KDM6A: variants seen among roughly 807,000 people sequenced by gnomAD.
The protein encoded by KDM6A is lysine-specific demethylase 6A.
KDM6A carries 11 observed loss-of-function variants against 117.6 expected under a neutral mutation model. The ratio of observed to expected loss-of-function variants is 0.09; its 90% confidence interval spans 0.06 to 0.15. The LOEUF is 0.15. Among genes scored for constraint, KDM6A ranks in the 10% least tolerant of loss-of-function variants. KDM6A has a pLI of 1.00. For synonymous variants in KDM6A, 384 were observed against 396.1 expected (o/e 0.97, Z 0.36); for missense variants, 799 against 1,077.3 (o/e 0.74, Z 3.62).
At chrX:44,998,104 A>G (rs1327982663) in intron 4 of KDM6A, among the ~76,000 whole-genome samples, 1 of 111,661 alleles carries the variant, frequency 9.0e-6, no homozygotes, top group African/African-American at 3.3e-5. Flanking sequence ...TCGAAAGCTC[A>G]CTGGCAGTGG....
chrX:45,061,465 G>C (rs1462072429), intron 15 of KDM6A, 46 bp downstream of exon 15: 2 of 556,418 alleles, frequency 3.6e-6, no homozygotes, highest in Non-Finnish European at 5.8e-6. Context: ...AAGGAGTAGA[G>C]GTAGCAAACA....
chrX:44,895,243 C>G (rs1197152198), intron 2 of KDM6A, among the ~76,000 whole-genome samples: 2 of 108,028 alleles, frequency 1.9e-5, no homozygotes, highest in Non-Finnish European at 3.8e-5. Context: ...GTAGCTGGGA[C>G]TACAGGTGCC....
chrX:45,057,651 C>T (rs1232556381), intron 10 of KDM6A, among the ~76,000 whole-genome samples: 1 of 110,860 alleles, frequency 9.0e-6, no homozygotes, highest in East Asian at 2.8e-4. Flanking sequence ...TAATCTTTGG[C>T]TGGATTTAAA....
At chrX:44,953,912 C>T (rs1056114697) in intron 2 of KDM6A, among the ~76,000 whole-genome samples, 3 of 110,250 alleles carry the variant, frequency 2.7e-5, no homozygotes, top group Non-Finnish European at 5.7e-5. Context: ...CAAAAATTAG[C>T]CAGGCGTGGT....
intron 2 of KDM6A, among the ~76,000 whole-genome samples, chrX:44,954,553 G>A (rs1442835650): frequency 5.4e-5 from 6 of 111,706 alleles, no homozygotes; most frequent in Non-Finnish European, 1.1e-4. Flanking sequence ...TAGTTACATA[G>A]TTTGCCACCT....
chrX:45,078,753 C>T (rs2045253745), intron 20 of KDM6A, among the ~76,000 whole-genome samples: 1 of 109,909 alleles, frequency 9.1e-6, no homozygotes, highest in African/African-American at 3.3e-5. Flanking sequence ...TTAAATTTAG[C>T]TATTACTTTG....
At chrX:44,878,074 A>G (rs186668185) in intron 2 of KDM6A, among the ~76,000 whole-genome samples, 1 of 111,716 alleles carries the variant, frequency 9.0e-6, no homozygotes, top group East Asian at 2.8e-4. Context: ...CTGGCACTTA[A>G]AGGCATACAG....
At chrX:44,941,250 A>G (rs1488711770) in intron 2 of KDM6A, among the ~76,000 whole-genome samples, 1 of 111,483 alleles carries the variant, frequency 9.0e-6, no homozygotes, top group Non-Finnish European at 1.9e-5. Context: ...TTCAAATAAC[A>G]TCTTAATATT....
At chrX:44,984,088 T>G (rs761599817) in intron 4 of KDM6A, among the ~76,000 whole-genome samples, 1 of 110,640 alleles carries the variant, frequency 9.0e-6, no homozygotes, top group Non-Finnish European at 1.9e-5. Context: ...TCCTGACTTT[T>G]TAATGATTGC....
intron 2 of KDM6A, among the ~76,000 whole-genome samples, chrX:44,924,466 G>C (rs1291691172): frequency 1.8e-5 from 2 of 112,099 alleles, no homozygotes; most frequent in African/African-American, 6.5e-5. Context: ...CAAGCCTCTG[G>C]GAATAGAGCA....
chrX:44,901,460 T>C (rs776576078), intron 2 of KDM6A, among the ~76,000 whole-genome samples: 2 of 111,322 alleles, frequency 1.8e-5, no homozygotes, highest in Admixed American at 1.9e-4. Context: ...TATTCTGCTG[T>C]TGTTGCAGGG....
chrX:44,941,641 C>T (rs906244889), intron 2 of KDM6A, among the ~76,000 whole-genome samples: 2 of 109,566 alleles, frequency 1.8e-5, no homozygotes, highest in East Asian at 2.9e-4. Flanking sequence ...CCGCCACACC[C>T]GGCTAATTTT....
chrX:45,087,158 T>G (rs2045677411), intron 25 of KDM6A, among the ~76,000 whole-genome samples: 1 of 111,776 alleles, frequency 8.9e-6, no homozygotes, highest in African/African-American at 3.3e-5. Context: ...GCCCTGCTAA[T>G]TTGTGTATTT....
chrX:44,873,511 G>T lies in KDM6A; in HGVS notation c.-41G>T, dbSNP rs749982089. On this transcript the variant is annotated 5_prime_UTR_variant, in exon 1 of 30. Transcript: ENST00000611820. ...GCGTCACTGCGGGCCCCGGTCCGAG[G>T]GGGGGTGTCGGCGTTGGAGTTGTGA... The T allele has an allele frequency of 1.1e-5, 13 of 1,208,568 alleles. No homozygotes were observed. The South Asian group carries it at 2.3e-4, about 21-fold the overall frequency.
chrX:44,880,388 T>C (rs1485427953), intron 2 of KDM6A, among the ~76,000 whole-genome samples: 1 of 109,017 alleles, frequency 9.2e-6, no homozygotes, highest in East Asian at 2.8e-4. Flanking sequence ...CATCTTGGAG[T>C]ACAAGACACT....
chrX:44,984,890 C>T (rs375864853), intron 4 of KDM6A, among the ~76,000 whole-genome samples: 421 of 111,074 alleles, frequency 3.8e-3, no homozygotes, highest in Non-Finnish European at 4.5e-3. Context: ...GACTTGGCAA[C>T]GCGGGCTCTT....
intron 8 of KDM6A, among the ~76,000 whole-genome samples, chrX:45,040,634 C>CA: frequency 1.1e-5 from 1 of 91,040 alleles, no homozygotes; most frequent in Non-Finnish European, 2.2e-5. Context: ...CTGATCACAC[C>CA]ACTTCCCTCC....
chrX:45,029,634 T>TA (rs2042526110), intron 6 of KDM6A, among the ~76,000 whole-genome samples: 1 of 110,319 alleles, frequency 9.1e-6, no homozygotes, highest in South Asian at 3.8e-4. Flanking sequence ...AGTTATATTT[T>TA]AAAAGGATAT....
intron 25 of KDM6A, among the ~76,000 whole-genome samples, chrX:45,087,851 A>G (rs2045712054): frequency 8.9e-6 from 1 of 111,995 alleles, no homozygotes; most frequent in Admixed American, 9.5e-5. Flanking sequence ...AGGTAAATCT[A>G]ATAACTCAGT....
Sources: allele counts gnomAD v4.1 joint callset (sites outside exome capture counted in the v4.1 genomes callset), GRCh38; gene constraint gnomAD v4.1.1; transcripts MANE v1.5; gene names NCBI Gene and HGNC (gene_info 2026-07-23, HGNC 2026-07-21).